Variants in ITPR2 observed in about 807,000 individuals in gnomAD.
The protein encoded by ITPR2 is inositol 1,4,5-trisphosphate-gated calcium channel ITPR2.
Under a neutral mutation model 317.1 loss-of-function variants are expected in ITPR2, and 207 were observed. The observed-to-expected ratio is 0.65, with a 90% CI of 0.58 to 0.73. The LOEUF (loss-of-function observed/expected upper bound fraction) is 0.73. Among genes scored for constraint, ITPR2 ranks in the 30% least tolerant of loss-of-function variants. ITPR2 has a pLI of 0.00. For synonymous variants in ITPR2, 1,156 were observed against 1,149.1 expected (o/e 1.01, Z -0.12); for missense variants, 2,613 against 3,284.0 (o/e 0.80, Z 4.99).
At chr12:26,417,552 G>A (rs868493023) in intron 50 of ITPR2, among the ~76,000 whole-genome samples, 7 of 152,096 alleles carry the variant, frequency 4.6e-5, no homozygotes, top group South Asian at 2.1e-4. Context: ...AGTTTCCCCC[G>A]TGCTCTCCTC....
intron 32 of ITPR2, among the ~76,000 whole-genome samples, chr12:26,580,701 AAGAAGC>A (rs1175147123): frequency 6.6e-6 from 1 of 152,192 alleles, no homozygotes; most frequent in Non-Finnish European, 1.5e-5. Context: ...TGGATTATCT[AAGAAGC>A]ATGGAAGTAT....
intron 55 of ITPR2, among the ~76,000 whole-genome samples, chr12:26,365,177 C>T (rs1452269812): frequency 6.6e-6 from 1 of 152,130 alleles, no homozygotes; most frequent in Non-Finnish European, 1.5e-5. Context: ...GCAAGTCAGA[C>T]AGTTTTCATG....
In ITPR2 at chr12:26,657,800, C is replaced by T; in HGVS notation, c.2099G>A (p.Ser700Asn). ...AGCTTTGCCATGAGGTTCCTTGTTGCTGTCAATCCAATAGAGCCAAACTTC... is the reference window on the plus strand; with the variant it reads ...AGCTTTGCCATGAGGTTCCTTGTTGTTGTCAATCCAATAGAGCCAAACTTC... ...DEEVWLYWID[S>N]NKEPHGKAIR... The change falls in exon 18 of 57, where the codon AGC becomes AAC. Residue 700 changes from serine (S) to asparagine (N), a missense_variant. Around this residue, in one of 9 missense-constraint regions of ITPR2, gnomAD observed 817 missense variants for 897.6 expected, o/e 0.91. Transcript: ENST00000381340. The T allele has an allele frequency of 1.9e-6, 3 of 1,614,144 alleles. No individual in the cohort carries two copies. The highest frequency in any genetic ancestry group is 1.7e-5 in the Admixed American group (1 of 60,022).
intron 13 of ITPR2, among the ~76,000 whole-genome samples, chr12:26,679,400 C>G (rs962922294): frequency 6.6e-6 from 1 of 152,088 alleles, no homozygotes; most frequent in Non-Finnish European, 1.5e-5. Flanking sequence ...GGTTTTAAAA[C>G]ATATAGCTAA....
intron 2 of ITPR2, among the ~76,000 whole-genome samples, chr12:26,769,788 A>G (rs1949806626): frequency 6.6e-6 from 1 of 152,138 alleles, no homozygotes; most frequent in Non-Finnish European, 1.5e-5. Flanking sequence ...ACAAGAGAAG[A>G]CCGGATGGGG....
At chr12:26,549,530 C>T (rs1435273013) in intron 37 of ITPR2, among the ~76,000 whole-genome samples, 1 of 152,034 alleles carries the variant, frequency 6.6e-6, no homozygotes, top group Non-Finnish European at 1.5e-5. Context: ...TATTGAGGAA[C>T]ATGGTACAAA....
At chr12:26,481,097 A>G in intron 43 of ITPR2, 34 bp downstream of exon 43, 2 of 1,259,454 alleles carry the variant, frequency 1.6e-6, no homozygotes. Flanking sequence ...TAGAGACTGT[A>G]GCTTTTCTGG....
rs1219241064 is a variant in ITPR2, at chr12:26,725,853, A to G, written c.164-88T>C. 1.8e-5 allele frequency: 15 copies of G among 840,892 alleles called. No homozygotes were observed. The Admixed American group carries it at 3.1e-4, about 17-fold the overall frequency. 52.1% of individuals were successfully genotyped at this position (840,892 alleles called of 1,614,324 possible). ...TTATAGCTCAGCTTTTGAATCTTGG[A>G]ATCCCTGATTATACAGAACAGTTAA... On this transcript the variant is annotated intron_variant, in intron 2 of 56. Coordinates refer to ENST00000381340, the MANE Select transcript of ITPR2 (RefSeq NM_002223.4).
intron 48 of ITPR2, among the ~76,000 whole-genome samples, chr12:26,432,535 T>C (rs1941238674): frequency 6.6e-6 from 1 of 151,390 alleles, no homozygotes; most frequent in Non-Finnish European, 1.5e-5. Context: ...GACAGAATTG[T>C]ACATTATATA....
chr12:26,640,802 TCA>T (rs1946966780), intron 21 of ITPR2, among the ~76,000 whole-genome samples: 1 of 152,210 alleles, frequency 6.6e-6, no homozygotes, highest in Non-Finnish European at 1.5e-5. Context: ...ATAAGGCATG[TCA>T]CACACATTCA....
chr12:26,722,464 G>A lies in ITPR2; in HGVS notation c.458C>T (p.Ala153Val), dbSNP rs746723932. Reference protein sequence around the residue: ...EKNAMRVSLDAAGNEGSWFYI... With the variant: ...EKNAMRVSLDVAGNEGSWFYI... ...AAACCAAGACCCTTCATTTCCTGCA[G>A]CATCCAAGGACACACGCATGGCATT... Residue 153 changes from alanine to valine, a missense_variant, in exon 5 of 57, where the codon GCT becomes GTT. By Grantham distance (64) the Ala-to-Val change is moderately conservative. Coordinates refer to ENST00000381340, the MANE Select transcript of ITPR2 (RefSeq NM_002223.4). 6.2e-7 allele frequency: 1 copy of A among 1,613,138 alleles called. No homozygotes were observed. The highest frequency in any genetic ancestry group is 1.1e-5 in the South Asian group (1 of 90,998).
chr12:26,400,915 C>A (rs12312422), intron 52 of ITPR2: 18,170 of 152,170 alleles, frequency 0.12, 1,115 homozygotes, highest in South Asian at 0.18. Context: ...GGGTTACACT[C>A]TTCAGAGGGT....
chr12:26,385,648 T>C (rs983170315), intron 55 of ITPR2, among the ~76,000 whole-genome samples: 26 of 152,226 alleles, frequency 1.7e-4, no homozygotes, highest in Admixed American at 1.3e-4. Flanking sequence ...AGAGTTTCCC[T>C]ATAAGTGGAC....
intron 24 of ITPR2, 45 bp from the exon 25 acceptor site, chr12:26,622,450 C>G: frequency 7.0e-7 from 1 of 1,419,774 alleles, no homozygotes. Flanking sequence ...ATTTATATAA[C>G]ATCTACACTT....
chr12:26,559,904 C>T (rs977084471), intron 35 of ITPR2, among the ~76,000 whole-genome samples: 1 of 152,174 alleles, frequency 6.6e-6, no homozygotes, highest in Non-Finnish European at 1.5e-5. Flanking sequence ...CAGGGCCACC[C>T]TCCCAGTAAT....
rs1359063757 is a variant in ITPR2 at position 26,391,550 on chromosome 12, CTTTTCCTTTTTT to C, written c.7697-3968_7697-3957del. 7.5e-4 allele frequency among the ~76,000 whole-genome samples: 45 copies of C among 59,906 alleles called. 1 individual carries two copies. Among genetic ancestry groups the C allele is most frequent in the Admixed American group, 2.4e-3 (17 of 7,180 alleles). The allele number at this position is 59,906 out of a possible 152,430, so 39.3% of individuals were successfully genotyped here. ...CTGAAAGCTTCTTCTTCTTCTTCTT[CTTTTCCTTTTTT>C]TTTTTTTTTTTTTTTTTTTTTTGAC... On this transcript the variant is annotated intron_variant, in intron 54 of 56. Coordinates refer to ENST00000381340, the MANE Select transcript of ITPR2 (RefSeq NM_002223.4).
chr12:26,350,470 G>T (rs916567959), intron 55 of ITPR2, among the ~76,000 whole-genome samples: 2 of 152,116 alleles, frequency 1.3e-5, no homozygotes, highest in African/African-American at 2.4e-5. Flanking sequence ...CCAGATGGTG[G>T]CTCTTAATTG....
chr12:26,745,826 C>T (rs1218176182), intron 2 of ITPR2, among the ~76,000 whole-genome samples: 1 of 152,122 alleles, frequency 6.6e-6, no homozygotes, highest in Admixed American at 6.5e-5. Flanking sequence ...TGATTGAGCA[C>T]ACTGGCATAA....
At chr12:26,400,477 G>A (rs1329539269) in intron 52 of ITPR2, among the ~76,000 whole-genome samples, 1 of 151,994 alleles carries the variant, frequency 6.6e-6, no homozygotes, top group Admixed American at 6.6e-5. Context: ...ATTAAAAAGT[G>A]TAGCAAACTT....
Sources: allele counts gnomAD v4.1 joint callset (sites outside exome capture counted in the v4.1 genomes callset), GRCh38; gene constraint gnomAD v4.1.1; regional missense constraint gnomAD v4.1.1; transcripts MANE v1.5; gene names NCBI Gene and HGNC (gene_info 2026-07-23, HGNC 2026-07-21).